COBL: variants seen among roughly 807,000 people sequenced by gnomAD.
COBL encodes the protein cordon-bleu WH2 repeat protein.
In COBL, 51 loss-of-function variants were observed where a neutral mutation model predicts 98.8. That is an observed-to-expected ratio of 0.52 (90% CI 0.41 to 0.65). The LOEUF (loss-of-function observed/expected upper bound fraction) is 0.65. Ranked by LOEUF, COBL falls within the 30% of genes least tolerant of loss-of-function variation. The probability of loss-of-function intolerance (pLI) is 0.00; values close to 1 mark genes in which losing one functional copy is unlikely to be tolerated. For synonymous variants in COBL, 634 were observed against 651.7 expected (o/e 0.97, Z 0.41); for missense variants, 1,617 against 1,617.5 (o/e 1.00, Z 0.01).
At chr7:51,201,015 C>G (rs1337804515) in intron 2 of COBL, among the ~76,000 whole-genome samples, 6 of 151,904 alleles carry the variant, frequency 3.9e-5, no homozygotes, top group Admixed American at 3.3e-4. Flanking sequence ...CCGAGGCGGG[C>G]AGATCACGAT....
At position 51,025,267 on chromosome 7, in the gene COBL, G is replaced by A. The variant is rs754498434; in HGVS notation, c.3610C>T (p.Pro1204Ser). The A allele has an allele frequency of 1.2e-6, 2 of 1,609,706 alleles. No individual in the cohort carries two copies. The highest frequency in any genetic ancestry group is 1.7e-6 in the Non-Finnish European group (2 of 1,178,650). Residue 1204 changes from proline (P) to serine (S), a missense_variant, in exon 12 of 13, where the codon CCA (proline) becomes TCA (serine). Pro to Ser is a moderately conservative substitution (Grantham distance 74, BLOSUM62 -1). Transcript: ENST00000265136. ...LLEDLGLLSP[P>S]AIPPPPPPPS... ...GGAGGGGGTGGTGGGGGAATGGCTGGTGGGGACAGAAGACCAAGGTCTTCT... is the reference window on the plus strand; with the variant it reads ...GGAGGGGGTGGTGGGGGAATGGCTGATGGGGACAGAAGACCAAGGTCTTCT...
At chr7:51,226,548 A>AGTGAGTGAGTGAGTGAGTG in intron 1 of COBL, among the ~76,000 whole-genome samples, 1 of 61,232 alleles carries the variant, frequency 1.6e-5, no homozygotes, top group African/African-American at 4.2e-5. Context: ...GTGAGTGAGT[A>AGTGAGTGAGTGAGTGAGTG]AGTGAGTGAC....
intron 7 of COBL, among the ~76,000 whole-genome samples, chr7:51,070,280 T>C (rs184721740): frequency 3.0e-4 from 45 of 152,244 alleles, no homozygotes; most frequent in African/African-American, 1.0e-3. Context: ...TTCACTGAAG[T>C]GTTTGAAGTT....
intron 7 of COBL, among the ~76,000 whole-genome samples, chr7:51,067,284 T>C (rs1427787286): frequency 1.3e-5 from 2 of 152,278 alleles, no homozygotes; most frequent in Non-Finnish European, 2.9e-5. Flanking sequence ...GTTACAAATG[T>C]ATATAGATGT....
intron 6 of COBL, among the ~76,000 whole-genome samples, chr7:51,128,632 T>A (rs1798448953): frequency 6.6e-6 from 1 of 152,212 alleles, no homozygotes; most frequent in African/African-American, 2.4e-5. Context: ...CCGCTCACTG[T>A]GTGATAAGTG....
At chr7:51,259,304 A>G (rs73330631) in intron 1 of COBL, 41,448 of 170,118 alleles carry the variant, frequency 0.24, 6,888 homozygotes, top group East Asian at 0.64. Context: ...AAAAAAAAAA[A>G]GAGTAACCCA....
intron 1 of COBL, among the ~76,000 whole-genome samples, chr7:51,234,007 A>C (rs903296059): frequency 1.3e-5 from 2 of 152,260 alleles, no homozygotes; most frequent in Non-Finnish European, 2.9e-5. Flanking sequence ...AGGATGAATT[A>C]TTCTACACTG....
chr7:51,138,990 T>C (rs893236681), intron 5 of COBL, among the ~76,000 whole-genome samples: 5 of 152,238 alleles, frequency 3.3e-5, no homozygotes, highest in Admixed American at 6.5e-5. Context: ...GTAAGTGCCC[T>C]GAGCACTTAA....
intron 6 of COBL, among the ~76,000 whole-genome samples, chr7:51,107,328 C>T (rs528510559): frequency 3.3e-5 from 5 of 152,142 alleles, no homozygotes; most frequent in Admixed American, 1.3e-4. Flanking sequence ...CTCCTGACCT[C>T]GTGATTTGCC....
chr7:51,095,035 T>G (rs1795148198), intron 6 of COBL, among the ~76,000 whole-genome samples: 1 of 152,152 alleles, frequency 6.6e-6, no homozygotes, highest in Non-Finnish European at 1.5e-5. Flanking sequence ...AATCAAAGTC[T>G]GTGTATTAGT....
intron 1 of COBL, among the ~76,000 whole-genome samples, chr7:51,235,518 T>A (rs999861186): frequency 1.3e-5 from 2 of 152,108 alleles, no homozygotes; most frequent in Non-Finnish European, 2.9e-5. Context: ...GCAGAACTTT[T>A]ATATCCAGAA....
chr7:51,222,613 CAGAG>C (rs1246574618), intron 1 of COBL, among the ~76,000 whole-genome samples: 2 of 151,670 alleles, frequency 1.3e-5, no homozygotes, highest in Non-Finnish European at 2.9e-5. Flanking sequence ...AAAATCAAGA[CAGAG>C]AGAAACAGCT....
At chr7:51,289,334 A>G (rs1800677091) in intron 1 of COBL, among the ~76,000 whole-genome samples, 1 of 152,206 alleles carries the variant, frequency 6.6e-6, no homozygotes, top group Admixed American at 6.5e-5. Flanking sequence ...CTAGGCTCCC[A>G]GAGCCACAGA....
intron 1 of COBL, among the ~76,000 whole-genome samples, chr7:51,308,147 C>T (rs1360971893): frequency 7.9e-5 from 12 of 152,190 alleles, no homozygotes; most frequent in Non-Finnish European, 1.8e-4. Context: ...TCCCTCCAGC[C>T]TAACAGTTTG....
intron 5 of COBL, among the ~76,000 whole-genome samples, chr7:51,179,030 T>C (rs1307124031): frequency 6.6e-6 from 1 of 152,186 alleles, no homozygotes; most frequent in East Asian, 1.9e-4. Context: ...TTTCAAGCCT[T>C]TGACATTTGA....
chr7:51,314,725 G>C (rs985321675), intron 1 of COBL, among the ~76,000 whole-genome samples: 1 of 152,212 alleles, frequency 6.6e-6, no homozygotes, highest in African/African-American at 2.4e-5. Context: ...CTTGGACAAA[G>C]ATGTTCGGAC....
chr7:51,294,331 AAAAT>A lies in COBL; in HGVS notation c.41+22258_41+22261del, dbSNP rs1554464039. Among the ~76,000 whole-genome samples, 78 of 130,004 alleles carry A rather than the reference AAAAT, an allele frequency of 6.0e-4. 2 individuals carry two copies. Among genetic ancestry groups the A allele is most frequent in the Admixed American group, 3.3e-3 (43 of 12,858 alleles). 85.3% of individuals were successfully genotyped at this position (130,004 alleles called of 152,430 possible). On this transcript the variant is annotated intron_variant, in intron 1 of 12. Transcript: ENST00000265136. ...AAATAAATAAATAAATAAATAAATA[AAAAT>A]AAATAAATAAATAAAAGGCAGGGCG...
intron 5 of COBL, among the ~76,000 whole-genome samples, chr7:51,161,141 CAG>C (rs1786760944): frequency 1.3e-5 from 2 of 152,152 alleles, no homozygotes; most frequent in South Asian, 2.1e-4. Context: ...ACTCCAAAAA[CAG>C]AACAGATTTG....
intron 1 of COBL, among the ~76,000 whole-genome samples, chr7:51,312,140 G>A (rs529424040): frequency 6.6e-6 from 1 of 151,930 alleles, no homozygotes; most frequent in Admixed American, 6.6e-5. Context: ...TGGCCAACAT[G>A]GTGAAACCTC....
Sources: gnomAD v4.1 joint callset for allele counts (sites outside exome capture counted in the v4.1 genomes callset) on GRCh38, gnomAD v4.1.1 for gene constraint, MANE v1.5 for transcripts, NCBI Gene and HGNC (gene_info 2026-07-23, HGNC 2026-07-21) for gene names.